The following CDC5L variants were observed in gnomAD, a reference collection of about 807,000 sequenced individuals.
The protein encoded by CDC5L is cell division cycle 5 like.
CDC5L carries 18 observed loss-of-function variants against 104.1 expected under a neutral mutation model. That is an observed-to-expected ratio of 0.17 (90% confidence interval 0.12 to 0.26). The LOEUF is 0.26. Ranked by LOEUF, CDC5L falls within the 10% of genes least tolerant of loss-of-function variation. The pLI, the probability that CDC5L is intolerant of heterozygous loss-of-function variation, is 1.00. For missense variants in CDC5L, 673 were observed against 956.9 expected, an observed-to-expected ratio of 0.70 and a Z score of 3.91; for synonymous variants, 331 against 322.7, an observed-to-expected ratio of 1.03 and a Z score of -0.28.
chr6:44,445,579 T>C, intron 14 of CDC5L, 76 bp from the exon 15 acceptor site: 1 of 979,382 alleles, frequency 1.0e-6, no homozygotes, highest in Non-Finnish European at 1.5e-6. Context: ...CATGAACGCA[T>C]GGTACCTTTT....
At chr6:44,411,629 A>AGTGTGTGTGTGTGTGT (rs1386078605) in intron 8 of CDC5L, among the ~76,000 whole-genome samples, 2 of 4,676 alleles carry the variant, frequency 4.3e-4, no homozygotes, top group Admixed American at 3.5e-3. Flanking sequence ...AGAGAGAGAG[A>AGTGTGTGTGTGTGTGT]GAGAGAGAGT....
rs996862734 is a variant in CDC5L at position 44,449,872 on chromosome 6, T to G, written c.*3161T>G. 3 of 151,192 alleles carry G rather than the reference T, an allele frequency of 2.0e-5. No homozygotes were observed. The highest frequency in any genetic ancestry group is 7.3e-5 in the African/African-American group (3 of 41,118). 9.4% of individuals were successfully genotyped at this position (151,192 alleles called of 1,614,324 possible). ...TCTTTTGGGCTATTGTACTTTTTTTTTTTTTTTTTTGAGATGGAGTCTTGC... is the reference window on the plus strand; with the variant it reads ...TCTTTTGGGCTATTGTACTTTTTTTGTTTTTTTTTTGAGATGGAGTCTTGC... On this transcript the variant is annotated 3_prime_UTR_variant, in exon 16 of 16. Transcript: ENST00000371477.
chr6:44,394,470 C>G (rs1790757904), intron 4 of CDC5L, among the ~76,000 whole-genome samples: 1 of 152,098 alleles, frequency 6.6e-6, no homozygotes, highest in African/African-American at 2.4e-5. Context: ...GTGATGGAGA[C>G]TTAACAGTGA....
chr6:44,412,470 G>A (rs957244972), intron 8 of CDC5L, among the ~76,000 whole-genome samples: 1 of 151,770 alleles, frequency 6.6e-6, no homozygotes. Flanking sequence ...CAAGTGATCT[G>A]CCCGCCTTGG....
Position 44,387,945 on chromosome 6 carries a change from G to GGA in CDC5L, c.45+78_45+79insAG. On this transcript the variant is annotated intron_variant, in intron 1 of 15. Transcript: ENST00000371477. Reference sequence around the variant, plus strand: ...GTGCGCACGCGCGCGGAGGTCGGGGGGGCGACGAGGAGACCCTGTGGGGTC... The same window carrying GGA: ...GTGCGCACGCGCGCGGAGGTCGGGGGGAGGCGACGAGGAGACCCTGTGGGGTC... 2.1e-6 allele frequency: 3 copies of GGA among 1,451,324 alleles called. No homozygotes were observed. In the South Asian group the frequency reaches 3.7e-5, roughly 18 times the overall value. 89.9% of individuals were successfully genotyped at this position (1,451,324 alleles called of 1,614,324 possible).
chr6:44,424,683 T>C (rs568901392), intron 11 of CDC5L, 100 bp downstream of exon 11: 2 of 1,078,758 alleles, frequency 1.9e-6, no homozygotes, highest in South Asian at 3.1e-5. Flanking sequence ...CTCTACCTAG[T>C]CCTTTTTAAT....
At chr6:44,436,357 G>A (rs1337864681) in intron 14 of CDC5L, among the ~76,000 whole-genome samples, 1 of 152,184 alleles carries the variant, frequency 6.6e-6, no homozygotes, top group Non-Finnish European at 1.5e-5. Flanking sequence ...GCTGATTTTA[G>A]GAGAGAGATT....
intron 5 of CDC5L, among the ~76,000 whole-genome samples, chr6:44,401,649 T>C (rs138869073): frequency 6.6e-6 from 1 of 151,920 alleles, no homozygotes; most frequent in African/African-American, 2.4e-5. Flanking sequence ...TTTTTAAATT[T>C]AATTTAATTT....
rs932051934 is a variant in CDC5L at position 44,392,709 on chromosome 6, C to T, written c.192C>T (p.Ser64=). 29 of 1,613,896 alleles carry T rather than the reference C, an allele frequency of 1.8e-5. No homozygotes were observed. The highest frequency in any genetic ancestry group is 2.5e-5 in the Non-Finnish European group (29 of 1,179,972). ...CAAGCATTAAGAAGACAGAATGGTC[C>T]AGAGAAGAAGAGGAAAAACTCTTGC... ...LDPSIKKTEW[S]REEEEKLLHL... is the part of the protein sequence containing the mutation. Residue 64 remains serine, a synonymous_variant, in exon 3 of 16, where the codon TCC becomes TCT. Coordinates refer to ENST00000371477, the MANE Select transcript of CDC5L (RefSeq NM_001253.4).
intron 9 of CDC5L, 132 bp from the exon 10 acceptor site, chr6:44,422,515 T>G (rs1419362168): frequency 1.6e-6 from 1 of 643,572 alleles, no homozygotes; most frequent in African/African-American, 1.9e-5. Flanking sequence ...CAAAACCAGC[T>G]GGACAGAATT....
At chr6:44,404,690 C>G (rs1303837242) in intron 6 of CDC5L, among the ~76,000 whole-genome samples, 1 of 151,830 alleles carries the variant, frequency 6.6e-6, no homozygotes, top group Non-Finnish European at 1.5e-5. Flanking sequence ...TATTTTTAGC[C>G]TTAAAAAACA....
chr6:44,401,063 A>G (rs973293392), intron 5 of CDC5L, among the ~76,000 whole-genome samples: 11 of 152,180 alleles, frequency 7.2e-5, no homozygotes, highest in African/African-American at 2.6e-4. Context: ...GCTTTTTCCC[A>G]ACTTGCCTTT....
chr6:44,387,996 A>C, intron 1 of CDC5L, 128 bp downstream of exon 1: 1 of 797,880 alleles, frequency 1.3e-6, no homozygotes, highest in Non-Finnish European at 2.0e-6. Flanking sequence ...CCGGGGGCTG[A>C]CCCTTGGGGC....
rs1217163078 is a variant in CDC5L at position 44,446,921 on chromosome 6, A to G, written c.*210A>G. 3.8e-5 allele frequency: 13 copies of G among 345,642 alleles called. No homozygotes were observed. Among genetic ancestry groups the G allele is most frequent in the Non-Finnish European group, 6.2e-5 (12 of 193,210 alleles). The allele number at this position is 345,642 out of a possible 1,614,324, so 21.4% of individuals were successfully genotyped here. ...TTTTAGAGTTTAAATTATTAAGGCT[A>G]TCATTCTTTTAGTAATGTCATATTT... On this transcript the variant is annotated 3_prime_UTR_variant, in exon 16 of 16. Transcript: ENST00000371477.
In CDC5L at chr6:44,449,362, A is replaced by G. The variant is rs1793566908; in HGVS notation, c.*2651A>G. ...CAGCGATTTTGGTGACTATTTTAAC[A>G]TTCACACTGAGGCCAGGGGTGGTGA... On this transcript the variant is annotated 3_prime_UTR_variant, in exon 16 of 16. Coordinates refer to ENST00000371477, the MANE Select transcript of CDC5L (RefSeq NM_001253.4). The G allele has an allele frequency of 6.6e-6, 1 of 152,182 alleles. No homozygotes were observed. Among genetic ancestry groups the G allele is most frequent in the African/African-American group, 2.4e-5 (1 of 41,430 alleles). 9.4% of individuals were successfully genotyped at this position (152,182 alleles called of 1,614,324 possible).
intron 7 of CDC5L, among the ~76,000 whole-genome samples, 175 bp from the exon 8 acceptor site, chr6:44,408,267 GTT>G (rs375757131): frequency 7.2e-6 from 1 of 138,326 alleles, no homozygotes; most frequent in Non-Finnish European, 1.6e-5. Context: ...TAAAATGTTG[GTT>G]TTTTTTTTTT....
rs542465565 is a variant in CDC5L, at chr6:44,447,705, C to T, written c.*994C>T. 2.0e-5 allele frequency: 3 copies of T among 152,238 alleles called. No individual in the cohort carries two copies. Among genetic ancestry groups the T allele is most frequent in the African/African-American group, 7.2e-5 (3 of 41,534 alleles). The allele number at this position is 152,238 out of a possible 1,614,324, so 9.4% of individuals were successfully genotyped here. A position where few individuals can be genotyped will look rare whatever the true frequency, so the allele number is the denominator to read the frequency against. On this transcript the variant is annotated 3_prime_UTR_variant, in exon 16 of 16. Coordinates refer to ENST00000371477, the MANE Select transcript of CDC5L (RefSeq NM_001253.4). ...CTGTGCCAGAGTCTTAGAGAGAGAA[C>T]AACAAACAAAATAGGCCTAGTTCTT...
At chr6:44,398,810 C>G (rs555239396) in intron 5 of CDC5L, among the ~76,000 whole-genome samples, 4 of 152,248 alleles carry the variant, frequency 2.6e-5, no homozygotes, top group South Asian at 4.1e-4. Flanking sequence ...AAACTTTTCT[C>G]TCTCTCAACA....
chr6:44,392,839 C>G lies in CDC5L; in HGVS notation c.311+11C>G. 1 of 1,608,636 alleles carries G rather than the reference C, an allele frequency of 6.2e-7. No individual in the cohort carries two copies. Among genetic ancestry groups the G allele is most frequent in the African/African-American group, 1.3e-5 (1 of 74,934 alleles). ...CTATGAATTTCTTCTGTAAGTGAGT[C>G]TTCAGAAAGAGCATAGAATATATGT... On this transcript the variant is annotated intron_variant, in intron 3 of 15. Coordinates refer to ENST00000371477, the MANE Select transcript of CDC5L (RefSeq NM_001253.4).
Sources: gnomAD v4.1 joint callset for allele counts (sites outside exome capture counted in the v4.1 genomes callset) on GRCh38, gnomAD v4.1.1 for gene constraint, MANE v1.5 for transcripts, NCBI Gene and HGNC (gene_info 2026-07-23, HGNC 2026-07-21) for gene names.